The following CYTH1 variants were observed in gnomAD, a reference collection of about 807,000 sequenced individuals.
The protein encoded by CYTH1 is cytohesin-1.
CYTH1 carries 18 observed loss-of-function variants against 61.8 expected under a neutral mutation model. The observed-to-expected ratio is 0.29, with a 90% CI of 0.20 to 0.43. The LOEUF (loss-of-function observed/expected upper bound fraction) is 0.43, where lower values mean the gene tolerates loss of function less well. Ranked by LOEUF, CYTH1 falls within the 20% of genes least tolerant of loss-of-function variation. CYTH1 has a pLI of 1.00. For missense variants in CYTH1, 336 were observed against 510.5 expected (o/e 0.66, Z 3.29); for synonymous variants, 174 against 184.3 (o/e 0.94, Z 0.45).
rs60663636 is a variant in CYTH1 at position 78,690,393 on chromosome 17, CAAAAAAAAAAAAAAAAAAAAA to C, written c.891+2003_891+2023del. Among the ~76,000 whole-genome samples, 16 of 28,312 alleles carry C rather than the reference CAAAAAAAAAAAAAAAAAAAAA, an allele frequency of 5.7e-4. No individual in the cohort carries two copies. The East Asian group carries it at 9.4e-3, about 17-fold the overall frequency. The allele number at this position is 28,312 out of a possible 152,430, so 18.6% of individuals were successfully genotyped here. On this transcript the variant is annotated intron_variant, in intron 11 of 13. Coordinates refer to ENST00000446868, the MANE Select transcript of CYTH1 (RefSeq NM_004762.6). Reference sequence around the variant, plus strand: ...TGGGCAACAGAGCGAGACTCCATCTCAAAAAAAAAAAAAAAAAAAAAAAAAAAAAAAAAAAAAAGAAATGTA... The same window carrying C: ...TGGGCAACAGAGCGAGACTCCATCTCAAAAAAAAAAAAAAAAAGAAATGTA...
intron 12 of CYTH1, 30 bp downstream of exon 12, chr17:78,680,941 C>T: frequency 3.1e-6 from 5 of 1,609,020 alleles, no homozygotes; most frequent in Non-Finnish European, 4.3e-6. Flanking sequence ...CCCCTTTCTC[C>T]CCTCAAAATA....
intron 11 of CYTH1, among the ~76,000 whole-genome samples, chr17:78,690,253 G>T (rs1244764049): frequency 2.0e-5 from 3 of 151,430 alleles, no homozygotes; most frequent in African/African-American, 7.3e-5. Context: ...AAATTAGCTG[G>T]GCGTGGCAGC....
intron 3 of CYTH1, among the ~76,000 whole-genome samples, chr17:78,706,272 T>C (rs2093064602): frequency 6.6e-6 from 1 of 152,158 alleles, no homozygotes; most frequent in Non-Finnish European, 1.5e-5. Context: ...AAGTTCCCTA[T>C]GGCCCTTCCT....
intron 1 of CYTH1, among the ~76,000 whole-genome samples, chr17:78,760,194 G>A (rs2093416297): frequency 6.6e-6 from 1 of 151,242 alleles, no homozygotes; most frequent in South Asian, 2.1e-4. Flanking sequence ...CATCTGCCTA[G>A]GACATCTGCT....
intron 3 of CYTH1, among the ~76,000 whole-genome samples, chr17:78,704,736 G>T (rs905709982): frequency 3.3e-5 from 5 of 152,154 alleles, no homozygotes; most frequent in Non-Finnish European, 7.4e-5. Flanking sequence ...AACCCAGGCT[G>T]GTCTTAAACT....
At chr17:78,747,170 A>AAAAAAAAAAC (rs1567872924) in intron 1 of CYTH1, among the ~76,000 whole-genome samples, 4 of 148,902 alleles carry the variant, frequency 2.7e-5, no homozygotes, top group African/African-American at 7.5e-5. Context: ...AAAAAAAAAA[A>AAAAAAAAAAC]GAAAAAACTA....
chr17:78,778,725 G>A (rs998435749), intron 1 of CYTH1, among the ~76,000 whole-genome samples: 3 of 151,758 alleles, frequency 2.0e-5, no homozygotes, highest in East Asian at 1.9e-4. Flanking sequence ...AGGCCAAGGC[G>A]GGAGGATGGT....
At chr17:78,747,656 T>A (rs1473831099) in intron 1 of CYTH1, among the ~76,000 whole-genome samples, 1 of 152,224 alleles carries the variant, frequency 6.6e-6, no homozygotes, top group Non-Finnish European at 1.5e-5. Context: ...CATGGCCTTG[T>A]GTGACTGGTT....
chr17:78,683,645 C>T (rs1020341589), intron 11 of CYTH1, among the ~76,000 whole-genome samples: 7 of 152,138 alleles, frequency 4.6e-5, no homozygotes, highest in Non-Finnish European at 1.0e-4. Context: ...GGAAAATGCC[C>T]CCACCTTCAA....
At chr17:78,772,990 C>T (rs1050015782) in intron 1 of CYTH1, among the ~76,000 whole-genome samples, 11 of 152,042 alleles carry the variant, frequency 7.2e-5, no homozygotes, top group East Asian at 3.9e-4. Context: ...CCACCACACC[C>T]GGCTAATTTT....
At position 78,674,497 on chromosome 17, in the gene CYTH1, T is replaced by G. The variant is rs2092675474; in HGVS notation, c.*1594A>C. On this transcript the variant is annotated 3_prime_UTR_variant, in exon 14 of 14. Transcript: ENST00000446868. ...AGTGCCTAAAGCCATTCCCTCCAGG[T>G]AGGATCTACACAAAGTGGCGGGGAG... 7.4e-6 allele frequency: 1 copy of G among 135,288 alleles called. No individual in the cohort carries two copies. The highest frequency in any genetic ancestry group is 2.8e-5 in the African/African-American group (1 of 36,236). The allele number at this position is 135,288 out of a possible 1,614,324, so 8.4% of individuals were successfully genotyped here.
At chr17:78,689,984 G>A (rs1283403946) in intron 11 of CYTH1, among the ~76,000 whole-genome samples, 4 of 151,876 alleles carry the variant, frequency 2.6e-5, no homozygotes, top group African/African-American at 7.3e-5. Context: ...GCCCAGGGCT[G>A]CAGTGCACTG....
At chr17:78,685,954 T>C (rs1311123289) in intron 11 of CYTH1, among the ~76,000 whole-genome samples, 1 of 152,210 alleles carries the variant, frequency 6.6e-6, no homozygotes, top group Non-Finnish European at 1.5e-5. Context: ...AGTTCAATGG[T>C]CTAAGGGGCC....
chr17:78,715,383 TG>T (rs774808769), intron 1 of CYTH1, among the ~76,000 whole-genome samples: 9 of 152,184 alleles, frequency 5.9e-5, no homozygotes, highest in Non-Finnish European at 1.2e-4. Flanking sequence ...GCACCCCTTC[TG>T]AAGAAGCTAC....
Position 78,676,056 on chromosome 17 carries a change from A to G in CYTH1, c.*35T>C. ...GGTGCGGGAGAAGAGCAGGAGCTCCAAGGCCCCCGCAGACCAACGCCCTTG... is the reference window on the plus strand; with the variant it reads ...GGTGCGGGAGAAGAGCAGGAGCTCCGAGGCCCCCGCAGACCAACGCCCTTG... On this transcript the variant is annotated 3_prime_UTR_variant, in exon 14 of 14. Coordinates refer to ENST00000446868, the MANE Select transcript of CYTH1 (RefSeq NM_004762.6). 1.3e-6 allele frequency: 2 copies of G among 1,583,584 alleles called. No individual in the cohort carries two copies. The highest frequency in any genetic ancestry group is 1.7e-6 in the Non-Finnish European group (2 of 1,164,296).
At chr17:78,757,293 G>T (rs529581323) in intron 1 of CYTH1, among the ~76,000 whole-genome samples, 1 of 151,892 alleles carries the variant, frequency 6.6e-6, no homozygotes, top group Non-Finnish European at 1.5e-5. Flanking sequence ...CTCATCCTTT[G>T]GGGGGATGAC....
chr17:78,682,175 T>C (rs564544463), intron 11 of CYTH1, among the ~76,000 whole-genome samples: 1 of 152,294 alleles, frequency 6.6e-6, no homozygotes, highest in South Asian at 2.1e-4. Context: ...CTGTGCCATA[T>C]AGTGAACTTC....
Position 78,676,630 on chromosome 17 carries a change from C to A in CYTH1, c.1119-461G>T, listed in dbSNP as rs573665074. 30 of 278,718 alleles carry A rather than the reference C, an allele frequency of 1.1e-4. No homozygotes were observed. In the East Asian group the frequency reaches 1.9e-3, roughly 18 times the overall value. The allele number at this position is 278,718 out of a possible 1,614,324, so 17.3% of individuals were successfully genotyped here. On this transcript the variant is annotated intron_variant, in intron 13 of 13. Transcript: ENST00000446868. ...ATGCAGTGGGGCCTTCCAAGCCCCCCACGTGCACCTGCTCAGTAACTAAGG... is the reference window on the plus strand; with the variant it reads ...ATGCAGTGGGGCCTTCCAAGCCCCCAACGTGCACCTGCTCAGTAACTAAGG...
chr17:78,700,298 C>A lies in CYTH1; in HGVS notation c.550+33G>T. 1 of 1,544,290 alleles carries A rather than the reference C, an allele frequency of 6.5e-7. No homozygotes were observed. The highest frequency in any genetic ancestry group is 8.8e-7 in the Non-Finnish European group (1 of 1,138,070). ...AAGAAAATAATCCAGTGTAAAACGC[C>A]CATCATAAACTAGGATGAATGATCG... On this transcript the variant is annotated intron_variant, in intron 7 of 13. Transcript: ENST00000446868. This position sits in a 1 kb window ranked among gnomAD's most constrained non-coding sequence, Gnocchi z 5.1.
Sources: gnomAD v4.1 joint callset for allele counts (sites outside exome capture counted in the v4.1 genomes callset) on GRCh38, gnomAD v4.1.1 for gene constraint, Gnocchi (gnomAD v3.1) non-coding constraint, MANE v1.5 for transcripts, NCBI Gene and HGNC (gene_info 2026-07-23, HGNC 2026-07-21) for gene names.